AK9: variants seen among roughly 807,000 people sequenced by gnomAD.
The protein encoded by AK9 is adenylate kinase domain containing 1.
Under a neutral mutation model 239.6 loss-of-function variants are expected in AK9, and 191 were observed. The observed-to-expected ratio is 0.80, with a 90% CI of 0.71 to 0.90. The LOEUF is 0.90. Among genes scored for constraint, AK9 ranks in the 40% least tolerant of loss-of-function variants. The pLI is 0.00. For synonymous variants in AK9, 689 were observed against 721.0 expected (o/e 0.96, Z 0.71); for missense variants, 1,995 against 2,214.7 (o/e 0.90, Z 1.99).
intron 17 of AK9, among the ~76,000 whole-genome samples, chr6:109,596,368 A>G (rs987577147): frequency 6.6e-6 from 1 of 152,214 alleles, no homozygotes; most frequent in African/African-American, 2.4e-5. Context: ...GTGCCAGGTC[A>G]TGGAGTGGAG....
At chr6:109,626,971 C>T (rs1267671339) in intron 12 of AK9, among the ~76,000 whole-genome samples, 1 of 151,872 alleles carries the variant, frequency 6.6e-6, no homozygotes, top group East Asian at 1.9e-4. Flanking sequence ...ATAAATTAAC[C>T]TTGTCTTATT....
chr6:109,525,594 C>A (rs1291023483), intron 29 of AK9, among the ~76,000 whole-genome samples: 4 of 152,106 alleles, frequency 2.6e-5, no homozygotes, highest in Non-Finnish European at 5.9e-5. Context: ...AAATGCAAAT[C>A]GAAAACACAG....
At chr6:109,495,293 A>T (rs746127198) in intron 39 of AK9, 45 bp downstream of exon 39, 1 of 1,415,062 alleles carries the variant, frequency 7.1e-7, no homozygotes, top group African/African-American at 1.4e-5. Flanking sequence ...AGAAGAAGTC[A>T]TTGTATTCTT....
At chr6:109,573,808 T>A (rs1787725244) in intron 20 of AK9, among the ~76,000 whole-genome samples, 1 of 152,204 alleles carries the variant, frequency 6.6e-6, no homozygotes, top group Non-Finnish European at 1.5e-5. Context: ...GAGTTCTGTA[T>A]GAGTACCAGA....
intron 6 of AK9, 93 bp from the exon 7 acceptor site, chr6:109,659,506 CA>C: frequency 2.9e-6 from 4 of 1,402,244 alleles, no homozygotes; most frequent in Admixed American, 3.1e-5. Flanking sequence ...GTACATAAAC[CA>C]AAAAATTCCT....
At position 109,603,046 on chromosome 6, in the gene AK9, T is replaced by G. The variant is rs1355378606; in HGVS notation, c.1842+7319A>C. 1.3e-5 allele frequency among the ~76,000 whole-genome samples: 2 copies of G among 152,186 alleles called. 1 individual carries two copies. Among genetic ancestry groups the G allele is most frequent in the African/African-American group, 4.8e-5 (2 of 41,456 alleles). The stretch of plus-strand genomic sequence containing the variant: ...CCTCCTTTAGCTCAGAGAAGTTTGA[T>G]TGTCTGAAGCCTTCTTCTCTCCGCT... On this transcript the variant is annotated intron_variant, in intron 17 of 40. Coordinates refer to ENST00000424296, the MANE Select transcript of AK9 (RefSeq NM_001145128.3).
intron 12 of AK9, among the ~76,000 whole-genome samples, chr6:109,630,538 G>A (rs1427504569): frequency 6.6e-6 from 1 of 152,156 alleles, no homozygotes; most frequent in African/African-American, 2.4e-5. Flanking sequence ...AATACTAATA[G>A]AATGATGAAA....
intron 32 of AK9, among the ~76,000 whole-genome samples, chr6:109,510,379 C>T (rs142564291): frequency 1.2e-4 from 19 of 152,136 alleles, no homozygotes; most frequent in African/African-American, 3.4e-4. Flanking sequence ...GAGGACAGGA[C>T]GACCAACTGC....
intron 12 of AK9, among the ~76,000 whole-genome samples, chr6:109,628,302 A>G (rs938188134): frequency 3.3e-5 from 5 of 152,132 alleles, no homozygotes; most frequent in Admixed American, 2.0e-4. Context: ...TTGGCCACAC[A>G]CACTTGGGCC....
intron 5 of AK9, among the ~76,000 whole-genome samples, chr6:109,663,843 G>A (rs4947007): frequency 0.21 from 31,583 of 152,074 alleles, 3,464 homozygotes; most frequent in South Asian, 0.34. Flanking sequence ...CCACCTGTTG[G>A]GTTTTGATGT....
intron 5 of AK9, among the ~76,000 whole-genome samples, chr6:109,670,752 C>G (rs895985640): frequency 6.6e-6 from 1 of 152,082 alleles, no homozygotes; most frequent in Non-Finnish European, 1.5e-5. Context: ...ACTATGTTTT[C>G]TGAGGTCATT....
At chr6:109,653,712 G>A (rs1799306802) in intron 8 of AK9, among the ~76,000 whole-genome samples, 1 of 150,208 alleles carries the variant, frequency 6.7e-6, no homozygotes, top group Non-Finnish European at 1.5e-5. Context: ...TGTAGAGACA[G>A]GGTTTCACCA....
intron 38 of AK9, among the ~76,000 whole-genome samples, chr6:109,497,157 C>T (rs1276382798): frequency 1.3e-5 from 2 of 152,030 alleles, no homozygotes; most frequent in Non-Finnish European, 2.9e-5. Context: ...AATTCCCACT[C>T]CTTATCCTGA....
At chr6:109,584,716 T>C (rs914765237) in intron 19 of AK9, among the ~76,000 whole-genome samples, 1 of 152,102 alleles carries the variant, frequency 6.6e-6, no homozygotes, top group Admixed American at 6.5e-5. Context: ...TAGAACTTAG[T>C]CAGGCTTTGG....
chr6:109,636,912 A>G (rs1330527762), intron 10 of AK9, among the ~76,000 whole-genome samples: 1 of 151,928 alleles, frequency 6.6e-6, no homozygotes, highest in East Asian at 1.9e-4. Flanking sequence ...CCTTTGGGGG[A>G]AATGCCTAGA....
intron 1 of AK9, among the ~76,000 whole-genome samples, chr6:109,688,013 A>C (rs1435928620): frequency 6.6e-6 from 1 of 152,140 alleles, no homozygotes. Context: ...TTGTAAATGA[A>C]GTAGGCATGG....
intron 24 of AK9, 51 bp from the exon 25 acceptor site, chr6:109,550,353 G>T: frequency 6.6e-7 from 1 of 1,504,188 alleles, no homozygotes; most frequent in African/African-American, 1.4e-5. Flanking sequence ...AAAGTATTTT[G>T]ATGCAGATAA....
chr6:109,580,597 C>T (rs1015569986), intron 19 of AK9, among the ~76,000 whole-genome samples: 8 of 152,140 alleles, frequency 5.3e-5, no homozygotes, highest in Non-Finnish European at 1.0e-4. Flanking sequence ...TCATACTCCG[C>T]GTTCTTTGCA....
chr6:109,585,963 C>A lies in AK9; in HGVS notation c.1952G>T (p.Gly651Val). Residue 651 changes from glycine (G) to valine (V), a missense_variant, in exon 18 of 41, where the codon GGA becomes GTA. This residue lies in a region of AK9 where 1,290 missense variants were observed against 1,392.7 expected (regional missense o/e 0.93). Transcript: ENST00000424296. The stretch of plus-strand genomic sequence containing the variant: ...ATAGATGACCAAATCAGGTATAATT[C>A]CTTTCTTGATTAAGGCCATCCACAA... ...KELWMALIKK[G>V]IIPDLVIYLS... is the part of the protein sequence containing the mutation. The A allele has an allele frequency of 1.3e-6, 2 of 1,551,068 alleles. No individual in the cohort carries two copies. The highest frequency in any genetic ancestry group is 1.7e-6 in the Non-Finnish European group (2 of 1,146,676).
Sources: allele counts gnomAD v4.1 joint callset (sites outside exome capture counted in the v4.1 genomes callset), GRCh38; gene constraint gnomAD v4.1.1; regional missense constraint gnomAD v4.1.1; transcripts MANE v1.5; gene names NCBI Gene and HGNC (gene_info 2026-07-23, HGNC 2026-07-21).